Variants in PHACTR3 observed in about 807,000 individuals in gnomAD.
PHACTR3 encodes the protein protein phosphatase 1, regulatory subunit 123.
PHACTR3 carries 16 observed loss-of-function variants against 66.8 expected under a neutral mutation model. That is an observed-to-expected ratio of 0.24 (90% CI 0.16 to 0.36). The LOEUF is 0.36. Ranked by LOEUF, PHACTR3 falls within the 10% of genes least tolerant of loss-of-function variation. The pLI, the probability that PHACTR3 is intolerant of heterozygous loss-of-function variation, is 1.00. For synonymous variants in PHACTR3, 323 were observed against 292.1 expected (o/e 1.11, Z -1.08); for missense variants, 647 against 719.9 (o/e 0.90, Z 1.16).
chr20:59,686,952 T>G (rs1220183868), intron 1 of PHACTR3, among the ~76,000 whole-genome samples: 1,809 of 57,030 alleles, frequency 0.032, no homozygotes, highest in Middle Eastern at 0.092. Context: ...TGGTGGTGAT[T>G]GTGATGATGA....
Position 59,748,173 on chromosome 20 carries a change from T to G in PHACTR3, c.358+338T>G, listed in dbSNP as rs61046483. On this transcript the variant is annotated intron_variant, in intron 3 of 12. Transcript: ENST00000371015. ...GCAGTGGTTTTTTCAGCATTAATTT[T>G]TTTTTCATATTCACATTTCAGTCCT... Among the ~76,000 whole-genome samples the G allele has an allele frequency of 9.8e-4, 150 of 152,328 alleles. 3 individuals carry two copies. In the East Asian group the frequency reaches 0.017, roughly 17 times the overall value.
intron 1 of PHACTR3, among the ~76,000 whole-genome samples, chr20:59,662,543 A>G (rs370804108): frequency 3.2e-4 from 49 of 152,308 alleles, no homozygotes; most frequent in African/African-American, 1.2e-3. Flanking sequence ...TGGAGACAGC[A>G]CGTCTCAGAG....
chr20:59,812,649 G>A (rs1165339114), intron 8 of PHACTR3, among the ~76,000 whole-genome samples: 3 of 152,200 alleles, frequency 2.0e-5, no homozygotes, highest in Non-Finnish European at 4.4e-5. Context: ...TGGGGCCTTC[G>A]TTCTGCTGTG....
chr20:59,720,880 T>C (rs975562323), intron 1 of PHACTR3, among the ~76,000 whole-genome samples: 1 of 152,230 alleles, frequency 6.6e-6, no homozygotes, highest in African/African-American at 2.4e-5. Context: ...GTTTGCTTTT[T>C]GTGGTGTCCT....
At chr20:59,595,677 G>A (rs990807087) in intron 1 of PHACTR3, among the ~76,000 whole-genome samples, 11 of 152,088 alleles carry the variant, frequency 7.2e-5, no homozygotes, top group Non-Finnish European at 1.3e-4. Context: ...TCTGATAGAC[G>A]GGTATTGCGG....
chr20:59,785,861 GCTTCTGCATCCCCTA>G (rs2040889525), intron 7 of PHACTR3, among the ~76,000 whole-genome samples: 1 of 30,182 alleles, frequency 3.3e-5, no homozygotes, highest in African/African-American at 6.0e-5. Context: ...TGCATCCCCT[GCTTCTGCATCCCCTA>G]CTTCATTTTG....
chr20:59,734,327 C>T (rs879822745), intron 1 of PHACTR3, among the ~76,000 whole-genome samples: 1 of 152,142 alleles, frequency 6.6e-6, no homozygotes, highest in Admixed American at 6.5e-5. Context: ...GTGCAATTCA[C>T]TGTAACCTGG....
chr20:59,780,188 CT>C lies in PHACTR3; in HGVS notation c.1174+5699del, dbSNP rs1026795612. Among the ~76,000 whole-genome samples the C allele has an allele frequency of 2.6e-5, 4 of 152,182 alleles. 1 individual carries two copies. The highest frequency in any genetic ancestry group is 9.7e-5 in the African/African-American group (4 of 41,438). On this transcript the variant is annotated intron_variant, in intron 7 of 12. Transcript: ENST00000371015. ...CCAGCTGCCTGTGCTGCTGCTCCTC[CT>C]GCAGACAGCTTCTCCCAGGTGCTCA...
At chr20:59,758,711 T>C (rs1015187162) in intron 4 of PHACTR3, among the ~76,000 whole-genome samples, 2 of 152,196 alleles carry the variant, frequency 1.3e-5, no homozygotes, top group African/African-American at 4.8e-5. Flanking sequence ...GTCGAATAAC[T>C]GGTCCAAATG....
In PHACTR3 at chr20:59,736,667, G is replaced by A. The variant is rs1430515850; in HGVS notation, c.119-6440G>A. On this transcript the variant is annotated intron_variant, in intron 1 of 12. Transcript: ENST00000371015. This position sits in a 1 kb window ranked among gnomAD's most constrained non-coding sequence, Gnocchi z 4.6. ...CAGCATCCGCAGGCCACACCGTGCC[G>A]TGGATGACCACACCTGCCCCGCTGT... Among the ~76,000 whole-genome samples the A allele has an allele frequency of 2.0e-5, 3 of 152,302 alleles. No individual in the cohort carries two copies. Among genetic ancestry groups the A allele is most frequent in the South Asian group, 4.2e-4 (2 of 4,818 alleles).
chr20:59,666,776 G>A (rs1018853852), intron 1 of PHACTR3, among the ~76,000 whole-genome samples: 1 of 152,226 alleles, frequency 6.6e-6, no homozygotes, highest in African/African-American at 2.4e-5. Context: ...GCCCACTCCC[G>A]GAGAGGAAGG....
intron 1 of PHACTR3, among the ~76,000 whole-genome samples, chr20:59,616,663 G>A (rs1005129930): frequency 6.6e-6 from 1 of 152,330 alleles, no homozygotes; most frequent in African/African-American, 2.4e-5. Context: ...GCGCTGAGCT[G>A]ACCACCAGCC....
At chr20:59,771,672 C>T (rs2040366836) in intron 5 of PHACTR3, among the ~76,000 whole-genome samples, 1 of 152,126 alleles carries the variant, frequency 6.6e-6, no homozygotes, top group South Asian at 2.1e-4. Context: ...TGCTCTCTTT[C>T]TGTCTGCCTG....
chr20:59,618,040 G>A (rs998811165), intron 1 of PHACTR3, among the ~76,000 whole-genome samples: 1 of 152,338 alleles, frequency 6.6e-6, no homozygotes, highest in South Asian at 2.1e-4. Context: ...CATATCTGGG[G>A]ATCTGAGGGA....
intron 1 of PHACTR3, among the ~76,000 whole-genome samples, chr20:59,615,002 G>A (rs913555462): frequency 6.6e-6 from 1 of 152,124 alleles, no homozygotes; most frequent in Non-Finnish European, 1.5e-5. Context: ...TGTCAGGACT[G>A]TCTTGTCACC....
intron 4 of PHACTR3, among the ~76,000 whole-genome samples, chr20:59,765,004 T>G (rs1207978083): frequency 6.6e-6 from 1 of 152,184 alleles, no homozygotes; most frequent in Non-Finnish European, 1.5e-5. Context: ...CACTTGCCTG[T>G]GCTGATTTAC....
intron 3 of PHACTR3, among the ~76,000 whole-genome samples, chr20:59,754,043 C>G (rs1161089337): frequency 2.6e-5 from 4 of 152,238 alleles, no homozygotes; most frequent in Admixed American, 1.3e-4. Flanking sequence ...ACCGGGCCTC[C>G]AGGAACTGCT....
chr20:59,649,120 T>A (rs2035380292), intron 1 of PHACTR3, among the ~76,000 whole-genome samples: 1 of 152,176 alleles, frequency 6.6e-6, no homozygotes, highest in African/African-American at 2.4e-5. Flanking sequence ...ATTACTGAAA[T>A]TTTTTTCCAT....
intron 8 of PHACTR3, among the ~76,000 whole-genome samples, chr20:59,813,671 G>C (rs144981522): frequency 6.6e-6 from 1 of 152,114 alleles, no homozygotes; most frequent in East Asian, 1.9e-4. Context: ...GTGAGAGCTC[G>C]AAGGTGGGAA....
Sources: gnomAD v4.1 joint callset for allele counts (sites outside exome capture counted in the v4.1 genomes callset) on GRCh38, gnomAD v4.1.1 for gene constraint, Gnocchi (gnomAD v3.1) non-coding constraint, MANE v1.5 for transcripts, NCBI Gene and HGNC (gene_info 2026-07-23, HGNC 2026-07-21) for gene names.